The following CHRND variants were observed in gnomAD, a reference collection of about 807,000 sequenced individuals.
CHRND encodes acetylcholine receptor subunit delta.
Under a neutral mutation model 57.8 loss-of-function variants are expected in CHRND, and 40 were observed. That is an observed-to-expected ratio of 0.69 (90% CI 0.54 to 0.90). The LOEUF is 0.90. Ranked by LOEUF, CHRND falls within the 40% of genes least tolerant of loss-of-function variation. CHRND has a pLI of 0.00. For missense variants in CHRND, 634 were observed against 673.9 expected (o/e 0.94, Z 0.66); for synonymous variants, 237 against 270.6 (o/e 0.88, Z 1.22).
In CHRND at chr2:232,529,947, G is replaced by T. The variant is rs1417363003; in HGVS notation, c.628G>T (p.Glu210Ter). The change falls in exon 7 of 12, where the codon GAG (glutamate) becomes TAG (stop). Residue 210 changes from glutamate to a stop codon, truncating the protein, a stop_gained. Coordinates refer to ENST00000258385, the MANE Select transcript of CHRND (RefSeq NM_000751.3). LOFTEE classifies it high-confidence loss of function. ...CCATGTGCCGCCCTCAGAGAACGGG[G>T]AGTGGGAGATAGTCCACCGGCCGGC... ...IDPEGFTENG[E>*]WEIVHRPARV... 1.9e-5 allele frequency: 31 copies of T among 1,613,886 alleles called. No homozygotes were observed. The highest frequency in any genetic ancestry group is 2.4e-5 in the Non-Finnish European group (28 of 1,179,992).
Position 232,526,674 on chromosome 2 carries a change from G to T in CHRND, c.198G>T (p.Leu66=). 6.2e-7 allele frequency: 1 copy of T among 1,613,422 alleles called. No individual in the cohort carries two copies. The highest frequency in any genetic ancestry group is 8.5e-7 in the Non-Finnish European group (1 of 1,179,938). ...TCACACTCTCCAACCTCATCTCCCTGGTGAGAGGCCCTCCGGTGCTGGGTT... is the reference window on the plus strand; with the variant it reads ...TCACACTCTCCAACCTCATCTCCCTTGTGAGAGGCCCTCCGGTGCTGGGTT... The part of the protein sequence containing the change: ...LALTLSNLIS[L]KEVEETLTTN... Residue 66 remains leucine, a splice_region_variant and synonymous_variant, in exon 2 of 12, where the codon CTG becomes CTT. Transcript: ENST00000258385.
At chr2:232,529,043 C>A in intron 6 of CHRND, 72 bp downstream of exon 6, 1 of 1,008,998 alleles carries the variant, frequency 9.9e-7, no homozygotes, top group East Asian at 2.4e-5. Flanking sequence ...CTGTCCACCC[C>A]AGAGACACAC....
chr2:232,528,293 C>T lies in CHRND; in HGVS notation c.275C>T (p.Ala92Val). ...GWTDNRLKWN[A>V]EEFGNISVLR... ...ACAGACAACCGGCTGAAGTGGAATG[C>T]TGAAGAATTTGGAAACATCAGTGTC... The change falls in exon 4 of 12, where the codon GCT becomes GTT. Residue 92 changes from alanine (A) to valine (V), a missense_variant. Transcript: ENST00000258385. The T allele has an allele frequency of 6.2e-7, 1 of 1,614,170 alleles. No homozygotes were observed. The highest frequency in any genetic ancestry group is 1.6e-4 in the Middle Eastern group (1 of 6,062).
chr2:232,534,155 G>C lies in CHRND; in HGVS notation c.1252+20G>C, dbSNP rs778975907. ...CTGCACGTGGGTCCCCGCTGGTCTT[G>C]GTTTTCAGCCCATCTGTGGGAGGTG... On this transcript the variant is annotated intron_variant, in intron 10 of 11. Transcript: ENST00000258385. 1 of 1,614,114 alleles carries C rather than the reference G, an allele frequency of 6.2e-7. No individual in the cohort carries two copies. Among genetic ancestry groups the C allele is most frequent in the Non-Finnish European group, 8.5e-7 (1 of 1,180,030 alleles).
chr2:232,535,013 G>A, intron 11 of CHRND, 117 bp from the exon 12 acceptor site: 2 of 1,205,050 alleles, frequency 1.7e-6, no homozygotes, highest in Non-Finnish European at 1.2e-6. Flanking sequence ...CAAGCCCGAG[G>A]CAGCCTCTGC....
At chr2:232,533,899 G>GAGTT in intron 9 of CHRND, 32 bp from the exon 10 acceptor site, 1 of 1,604,106 alleles carries the variant, frequency 6.2e-7, no homozygotes, top group Non-Finnish European at 8.5e-7. Context: ...AAAAAACAAC[G>GAGTT]CCTTTCTTGT....
rs1190485039 is a variant in CHRND, at chr2:232,536,415, T to C, written c.*1103T>C. 2.2e-6 allele frequency: 1 copy of C among 454,150 alleles called. No homozygotes were observed. Among genetic ancestry groups the C allele is most frequent in the Non-Finnish European group, 4.4e-6 (1 of 226,792 alleles). 28.1% of individuals were successfully genotyped at this position (454,150 alleles called of 1,614,324 possible). A position where few individuals can be genotyped will look rare whatever the true frequency, so the allele number is the denominator to read the frequency against. ...GATCTCTCACTTTGGGGAAGCCAGC[T>C]GGCATGTTAAGGAGCCCTATGGAGA... On this transcript the variant is annotated 3_prime_UTR_variant, in exon 12 of 12. Transcript: ENST00000258385.
rs1165701863 is a variant in CHRND, at chr2:232,535,913, G to A, written c.*601G>A. The A allele has an allele frequency of 2.2e-6, 1 of 454,068 alleles. No individual in the cohort carries two copies. Among genetic ancestry groups the A allele is most frequent in the South Asian group, 1.6e-5 (1 of 64,474 alleles). The allele number at this position is 454,068 out of a possible 1,614,324, so 28.1% of individuals were successfully genotyped here. A position where few individuals can be genotyped will look rare whatever the true frequency, so the allele number is the denominator to read the frequency against. ...GGATCGACATCCACAAAGACTTGGGGTCAGCCTGAGGTTGCACACACAATC... is the reference window on the plus strand; with the variant it reads ...GGATCGACATCCACAAAGACTTGGGATCAGCCTGAGGTTGCACACACAATC... On this transcript the variant is annotated 3_prime_UTR_variant, in exon 12 of 12. Transcript: ENST00000258385.
rs12463989 is a variant in CHRND, at chr2:232,530,319, T to C, written c.820+180T>C. Among the ~76,000 whole-genome samples, 54,149 of 152,048 alleles carry C rather than the reference T, an allele frequency of 0.36. 10,234 individuals are homozygous for C. The highest frequency in any genetic ancestry group is 0.55 in the East Asian group (2,804 of 5,136). On this transcript the variant is annotated intron_variant, in intron 7 of 11. Transcript: ENST00000258385. Reference sequence around the variant, plus strand: ...ACCCAGAGGGAGGGCTGTATGATTCTGGGCAACATCCCCAAATGGACAGGG... The same window carrying C: ...ACCCAGAGGGAGGGCTGTATGATTCCGGGCAACATCCCCAAATGGACAGGG...
intron 9 of CHRND, among the ~76,000 whole-genome samples, chr2:232,531,970 A>AAAAAAAAAAAAAG (rs1391577789): frequency 3.0e-5 from 4 of 135,218 alleles, no homozygotes; most frequent in African/African-American, 1.1e-4. Flanking sequence ...AAAAAAAAAA[A>AAAAAAAAAAAAAG]AAAAGAAATG....
chr2:232,526,707 A>C, intron 2 of CHRND, 33 bp downstream of exon 2: 1 of 1,550,078 alleles, frequency 6.5e-7, no homozygotes, highest in East Asian at 2.3e-5. Context: ...GTTGGGAGGG[A>C]GGGCAGGGAT....
In CHRND at chr2:232,527,030, G is replaced by A. The variant is rs578078349; in HGVS notation, c.198+356G>A. ...TGGGTGAATGTAGGCTGGGTGTGGT[G>A]GCTCATGCCTGTAATCCCAGCACTT... On this transcript the variant is annotated intron_variant, in intron 2 of 11. Coordinates refer to ENST00000258385, the MANE Select transcript of CHRND (RefSeq NM_000751.3). Among the ~76,000 whole-genome samples, 3 of 152,314 alleles carry A rather than the reference G, an allele frequency of 2.0e-5. No individual in the cohort carries two copies. In the East Asian group the frequency reaches 5.8e-4, roughly 29 times the overall value.
At chr2:232,529,019 C>A in intron 6 of CHRND, 48 bp downstream of exon 6, 1 of 1,360,664 alleles carries the variant, frequency 7.3e-7, no homozygotes, top group Non-Finnish European at 1.1e-6. Flanking sequence ...CAGACACACA[C>A]AGACACACTG....
At chr2:232,530,805 G>C (rs1274499779) in intron 7 of CHRND, among the ~76,000 whole-genome samples, 1 of 152,138 alleles carries the variant, frequency 6.6e-6, no homozygotes, top group Non-Finnish European at 1.5e-5. Flanking sequence ...CCAGGCAGGG[G>C]CTGAAGGGAC....
Position 232,535,869 on chromosome 2 carries a change from G to A in CHRND, c.*557G>A. ...GCCTAGGTCCCTTTGGGAAGTTGAG[G>A]ACTGGAGTGGAAAGGTCAGGATCGA... On this transcript the variant is annotated 3_prime_UTR_variant, in exon 12 of 12. Coordinates refer to ENST00000258385, the MANE Select transcript of CHRND (RefSeq NM_000751.3). The A allele has an allele frequency of 2.2e-6, 1 of 454,088 alleles. No individual in the cohort carries two copies. The highest frequency in any genetic ancestry group is 4.4e-6 in the Non-Finnish European group (1 of 226,796). 28.1% of individuals were successfully genotyped at this position (454,088 alleles called of 1,614,324 possible).
intron 3 of CHRND, among the ~76,000 whole-genome samples, 179 bp downstream of exon 3, chr2:232,527,624 G>T (rs534872142): frequency 6.6e-6 from 1 of 152,162 alleles, no homozygotes; most frequent in East Asian, 1.9e-4. Flanking sequence ...GGTACCTGTA[G>T]TCCCAGCTAC....
At chr2:232,527,335 TG>T in intron 2 of CHRND, 65 bp from the exon 3 acceptor site, 1 of 1,062,856 alleles carries the variant, frequency 9.4e-7, no homozygotes, top group Non-Finnish European at 1.4e-6. Context: ...AGAGAGAGAG[TG>T]GGTGAATGTG....
At chr2:232,532,655 C>T (rs985847415) in intron 9 of CHRND, among the ~76,000 whole-genome samples, 7 of 152,154 alleles carry the variant, frequency 4.6e-5, no homozygotes, top group African/African-American at 1.4e-4. Flanking sequence ...AGAAACCAGA[C>T]GCAGCAGCAC....
Position 232,535,896 on chromosome 2 carries a change from A to T in CHRND, c.*584A>T, listed in dbSNP as rs560509885. 2.9e-5 allele frequency: 13 copies of T among 454,102 alleles called. No homozygotes were observed. Among genetic ancestry groups the T allele is most frequent in the Non-Finnish European group, 4.9e-5 (11 of 226,782 alleles). The allele number at this position is 454,102 out of a possible 1,614,324, so 28.1% of individuals were successfully genotyped here. A position where few individuals can be genotyped will look rare whatever the true frequency, so the allele number is the denominator to read the frequency against. ...CTGGAGTGGAAAGGTCAGGATCGAC[A>T]TCCACAAAGACTTGGGGTCAGCCTG... On this transcript the variant is annotated 3_prime_UTR_variant, in exon 12 of 12. Coordinates refer to ENST00000258385, the MANE Select transcript of CHRND (RefSeq NM_000751.3).
Sources: allele counts gnomAD v4.1 joint callset (sites outside exome capture counted in the v4.1 genomes callset), GRCh38; gene constraint gnomAD v4.1.1; transcripts MANE v1.5; gene names NCBI Gene and HGNC (gene_info 2026-07-23, HGNC 2026-07-21).